Variants in RNF20 observed in about 807,000 individuals in gnomAD.
RNF20 encodes the protein E3 ubiquitin-protein ligase BRE1A.
RNF20 carries 84 observed loss-of-function variants against 126.2 expected under a neutral mutation model. The observed-to-expected ratio is 0.67, with a 90% confidence interval of 0.56 to 0.80. The LOEUF is 0.80. Among genes scored for constraint, RNF20 ranks in the 30% least tolerant of loss-of-function variants. RNF20 has a pLI of 0.00. For missense variants in RNF20, 869 were observed against 1,188.2 expected (o/e 0.73, Z 3.95); for synonymous variants, 400 against 414.3 (o/e 0.97, Z 0.42).
chr9:101,540,376 T>C lies in RNF20; in HGVS notation c.297+6T>C. 1 of 1,614,094 alleles carries C rather than the reference T, an allele frequency of 6.2e-7. No homozygotes were observed. Among genetic ancestry groups the C allele is most frequent in the Non-Finnish European group, 8.5e-7 (1 of 1,179,914 alleles). On this transcript the variant is annotated splice_donor_region_variant and intron_variant, in intron 3 of 19. Coordinates refer to ENST00000389120, the MANE Select transcript of RNF20 (RefSeq NM_019592.7). ...TCAACCGATACTGGAGTCAGGTAGCTAACTTGTTTATTTGTTCAGATTTTT... is the reference window on the plus strand; with the variant it reads ...TCAACCGATACTGGAGTCAGGTAGCCAACTTGTTTATTTGTTCAGATTTTT...
Position 101,546,763 on chromosome 9 carries a change from T to C in RNF20, c.748-57T>C, listed in dbSNP as rs1398367404. 2.6e-5 allele frequency: 42 copies of C among 1,586,246 alleles called. No individual in the cohort carries two copies. The Admixed American group carries it at 6.7e-4, about 25-fold the overall frequency. Reference sequence around the variant, plus strand: ...ATTACTCATAAGCAAGGGTTAATATTATGGAATTTGGTCTTTTTTTGCTAT... The same window carrying C: ...ATTACTCATAAGCAAGGGTTAATATCATGGAATTTGGTCTTTTTTTGCTAT... On this transcript the variant is annotated intron_variant, in intron 6 of 19. Coordinates refer to ENST00000389120, the MANE Select transcript of RNF20 (RefSeq NM_019592.7).
At position 101,551,236 on chromosome 9, in the gene RNF20, C is replaced by T. The variant is rs527543595; in HGVS notation, c.1273-448C>T. ...AATAGTTTAATATGGCTAGAGCTTA[C>T]GTGTATGTGAGAAAATAGTGGGTAG... is the stretch of plus-strand genomic sequence containing the variant. On this transcript the variant is annotated intron_variant, in intron 10 of 19. Coordinates refer to ENST00000389120, the MANE Select transcript of RNF20 (RefSeq NM_019592.7). Among the ~76,000 whole-genome samples, 43 of 152,206 alleles carry T rather than the reference C, an allele frequency of 2.8e-4. No homozygotes were observed. The South Asian group carries it at 7.9e-3, about 28-fold the overall frequency.
intron 8 of RNF20, 48 bp downstream of exon 8, chr9:101,547,262 A>T: frequency 1.2e-6 from 2 of 1,604,958 alleles, no homozygotes; most frequent in Non-Finnish European, 1.7e-6. Flanking sequence ...GTCAGCTTTC[A>T]TGCTTAGGTA....
In RNF20 at chr9:101,562,461, A is replaced by C. The variant is rs200826503; in HGVS notation, c.*39A>C. ...AAGAAGAGGAGCTGGCTAGTCAGGAACTTATTCATTAACCACCAAACCTCT... is the reference window on the plus strand; with the variant it reads ...AAGAAGAGGAGCTGGCTAGTCAGGACCTTATTCATTAACCACCAAACCTCT... On this transcript the variant is annotated 3_prime_UTR_variant, in exon 20 of 20. Coordinates refer to ENST00000389120, the MANE Select transcript of RNF20 (RefSeq NM_019592.7). The C allele has an allele frequency of 1.9e-6, 3 of 1,569,646 alleles. 1 individual carries two copies. In the African/African-American group the frequency reaches 4.0e-5, roughly 21 times the overall value.
Position 101,544,146 on chromosome 9 carries a change from A to G in RNF20, c.629-621A>G, listed in dbSNP as rs148636406. ...TGCAACTCTAATTTTAAACATACGAACTTGGTGTAATAAGTTCTATGGATT... is the reference window on the plus strand; with the variant it reads ...TGCAACTCTAATTTTAAACATACGAGCTTGGTGTAATAAGTTCTATGGATT... On this transcript the variant is annotated intron_variant, in intron 5 of 19. Transcript: ENST00000389120. 2.3e-3 allele frequency among the ~76,000 whole-genome samples: 354 copies of G among 152,324 alleles called. 3 individuals are homozygous for G. The highest frequency in any genetic ancestry group is 8.1e-3 in the African/African-American group (337 of 41,582).
At position 101,561,164 on chromosome 9, in the gene RNF20, T is replaced by G; in HGVS notation, c.2583T>G (p.Phe861Leu). 1.2e-6 allele frequency: 2 copies of G among 1,613,966 alleles called. No individual in the cohort carries two copies. The highest frequency in any genetic ancestry group is 1.7e-6 in the Non-Finnish European group (2 of 1,179,846). The change falls in exon 18 of 20, where the codon TTT (phenylalanine) becomes TTG (leucine). Residue 861 changes from phenylalanine to leucine, a missense_variant. Around this residue, in one of 8 missense-constraint regions of RNF20, gnomAD observed 150 missense variants for 173.7 expected, o/e 0.86. Transcript: ENST00000389120. ...TGGCTCAGAAGAAGCTACATGATTT[T>G]CAGGATGAGATCGTGGAGAACAGTG... Reference protein sequence around the residue: ...LELAQKKLHDFQDEIVENSVT... With the variant: ...LELAQKKLHDLQDEIVENSVT...
chr9:101,542,681 TG>T (rs1827278390), intron 5 of RNF20, among the ~76,000 whole-genome samples: 2 of 152,356 alleles, frequency 1.3e-5, no homozygotes, highest in Non-Finnish European at 1.5e-5. Flanking sequence ...TAATATGCCA[TG>T]TGCATAGACT....
Position 101,540,191 on chromosome 9 carries a change from T to C in RNF20, c.130-12T>C, listed in dbSNP as rs753661705. The C allele has an allele frequency of 6.2e-7, 1 of 1,612,186 alleles. No individual in the cohort carries two copies. Among genetic ancestry groups the C allele is most frequent in the South Asian group, 1.1e-5 (1 of 91,042 alleles). On this transcript the variant is annotated splice_polypyrimidine_tract_variant and intron_variant, in intron 2 of 19. Transcript: ENST00000389120. The stretch of plus-strand genomic sequence containing the variant: ...TCTTTGTGGAGACTAATACGATTGG[T>C]TTACTGGGCAGGAGGAACTAGACAT...
intron 5 of RNF20, among the ~76,000 whole-genome samples, chr9:101,541,354 C>T (rs1038831525): frequency 1.3e-5 from 2 of 152,224 alleles, no homozygotes; most frequent in Non-Finnish European, 2.9e-5. Context: ...AGGCATGAGC[C>T]ACTGTGCCTG....
chr9:101,539,136 A>G (rs570840971), intron 2 of RNF20, among the ~76,000 whole-genome samples: 5 of 152,324 alleles, frequency 3.3e-5, no homozygotes, highest in East Asian at 1.9e-4. Context: ...TCTGTTTTGT[A>G]TGATGTAAAA....
Position 101,547,518 on chromosome 9 carries a change from G to A in RNF20, c.1092G>A (p.Lys364=), listed in dbSNP as rs752844738. 1.2e-6 allele frequency: 2 copies of A among 1,613,882 alleles called. No individual in the cohort carries two copies. Among genetic ancestry groups the A allele is most frequent in the East Asian group, 2.2e-5 (1 of 44,870 alleles). The change falls in exon 9 of 20, where the codon AAG becomes AAA. Residue 364 remains lysine (K), a splice_region_variant and synonymous_variant. Coordinates refer to ENST00000389120, the MANE Select transcript of RNF20 (RefSeq NM_019592.7). The part of the protein sequence containing the change: ...EEVTTQNEKL[K]VELRSAVEQV... Reference sequence around the variant, plus strand: ...TCACTACACAAAATGAAAAGCTGAAGGTAGGAACGCATCCCTGAAGGGCAG... The same window carrying A: ...TCACTACACAAAATGAAAAGCTGAAAGTAGGAACGCATCCCTGAAGGGCAG...
In RNF20 at chr9:101,562,899, T is replaced by A. The variant is rs956864128; in HGVS notation, c.*477T>A. ...GTAGCAAACTTCTTGTGAATGTGGA[T>A]TACAAAATGGTATAATTGTGCTACT... is the stretch of plus-strand genomic sequence containing the variant. On this transcript the variant is annotated 3_prime_UTR_variant, in exon 20 of 20. Transcript: ENST00000389120. 6.5e-6 allele frequency: 1 copy of A among 153,084 alleles called. No individual in the cohort carries two copies. Among genetic ancestry groups the A allele is most frequent in the African/African-American group, 2.4e-5 (1 of 41,448 alleles). The allele number at this position is 153,084 out of a possible 1,614,324, so 9.5% of individuals were successfully genotyped here.
At chr9:101,537,079 A>G (rs1249847960) in intron 2 of RNF20, among the ~76,000 whole-genome samples, 1 of 152,232 alleles carries the variant, frequency 6.6e-6, no homozygotes, top group Non-Finnish European at 1.5e-5. Flanking sequence ...TGCGGGACAG[A>G]AAAACTGAGT....
chr9:101,550,885 G>A (rs1297269496), intron 10 of RNF20, 100 bp downstream of exon 10: 4 of 1,090,770 alleles, frequency 3.7e-6, no homozygotes, highest in Admixed American at 1.8e-5. Context: ...TCATTCAGCT[G>A]TCATTCATAG....
At chr9:101,548,548 T>C (rs1827389798) in intron 9 of RNF20, among the ~76,000 whole-genome samples, 1 of 152,230 alleles carries the variant, frequency 6.6e-6, no homozygotes, top group Admixed American at 6.5e-5. Context: ...ACAGTGTATA[T>C]GTATAGCAAA....
intron 5 of RNF20, among the ~76,000 whole-genome samples, chr9:101,542,886 C>A (rs899352261): frequency 1.3e-5 from 2 of 152,090 alleles, no homozygotes; most frequent in African/African-American, 4.8e-5. Flanking sequence ...AGGCAATTGC[C>A]ATTGGTAAGC....
intron 2 of RNF20, among the ~76,000 whole-genome samples, chr9:101,536,203 C>A (rs571100762): frequency 2.0e-5 from 3 of 152,124 alleles, no homozygotes. Flanking sequence ...ATGGAGCTGA[C>A]AAAATGAGTA....
Position 101,562,667 on chromosome 9 carries a change from C to G in RNF20, c.*245C>G. 1 of 372,240 alleles carries G rather than the reference C, an allele frequency of 2.7e-6. No homozygotes were observed. Among genetic ancestry groups the G allele is most frequent in the Non-Finnish European group, 4.8e-6 (1 of 207,950 alleles). 23.1% of individuals were successfully genotyped at this position (372,240 alleles called of 1,614,324 possible). ...CAAATAACTCTTACTGTCTTCCCTCCCAGCTTTGTTTATTTTGTGCTTTTA... is the reference window on the plus strand; with the variant it reads ...CAAATAACTCTTACTGTCTTCCCTCGCAGCTTTGTTTATTTTGTGCTTTTA... On this transcript the variant is annotated 3_prime_UTR_variant, in exon 20 of 20. Coordinates refer to ENST00000389120, the MANE Select transcript of RNF20 (RefSeq NM_019592.7).
At chr9:101,540,681 T>C in intron 4 of RNF20, 44 bp downstream of exon 4, 1 of 1,607,758 alleles carries the variant, frequency 6.2e-7, no homozygotes, top group Non-Finnish European at 8.5e-7. Context: ...CTATCTGGGT[T>C]TTTAAAGTAG....
Sources: allele counts gnomAD v4.1 joint callset (sites outside exome capture counted in the v4.1 genomes callset), GRCh38; gene constraint gnomAD v4.1.1; regional missense constraint gnomAD v4.1.1; transcripts MANE v1.5; gene names NCBI Gene and HGNC (gene_info 2026-07-23, HGNC 2026-07-21).